The following RINL variants were observed in gnomAD, a reference collection of about 807,000 sequenced individuals.
RINL encodes Ras and Rab interactor like.
RINL carries 39 observed loss-of-function variants against 58.1 expected under a neutral mutation model. The ratio of observed to expected loss-of-function variants is 0.67; its 90% CI spans 0.52 to 0.88. The LOEUF is 0.88. Among genes scored for constraint, RINL ranks in the 40% least tolerant of loss-of-function variants. RINL has a pLI of 0.00. For synonymous variants in RINL, 286 were observed against 323.1 expected (o/e 0.89, Z 1.23); for missense variants, 711 against 749.2 (o/e 0.95, Z 0.60).
intron 1 of RINL, among the ~76,000 whole-genome samples, 187 bp from the exon 2 acceptor site, chr19:38,876,968 C>G (rs1972942866): frequency 6.6e-6 from 1 of 152,208 alleles, no homozygotes; most frequent in South Asian, 2.1e-4. Flanking sequence ...GACTGCAGTG[C>G]AGTGGCACGA....
Position 38,870,591 on chromosome 19 carries a change from G to T in RINL, c.1003C>A (p.Pro335Thr), listed in dbSNP as rs752382508. The T allele has an allele frequency of 3.8e-6, 6 of 1,584,986 alleles. No homozygotes were observed. Among genetic ancestry groups the T allele is most frequent in the Non-Finnish European group, 5.1e-6 (6 of 1,165,656 alleles). ...AVFGSRGPGL[P>T]KKDEDPGPAL... The stretch of plus-strand genomic sequence containing the variant: ...TTACCTGGATCCTCGTCCTTCTTGG[G>T]GAGCCCAGGACCCCTGCTTCCAAAG... Residue 335 changes from proline to threonine, a missense_variant, in exon 8 of 12, where the codon CCC (proline) becomes ACC (threonine). Physicochemically the swap from Pro to Thr is conservative, Grantham distance 38. Coordinates refer to ENST00000591812, the MANE Select transcript of RINL (RefSeq NM_001195833.2). This position sits in a 1 kb window ranked among gnomAD's most constrained non-coding sequence, Gnocchi z 5.8.
intron 4 of RINL, 94 bp from the exon 5 acceptor site, chr19:38,871,964 C>G: frequency 1.1e-6 from 1 of 938,550 alleles, no homozygotes; most frequent in Non-Finnish European, 1.7e-6. Context: ...CCTTCAGAAT[C>G]CCCCCAGGGA....
Position 38,871,694 on chromosome 19 carries a change from G to A in RINL, c.404C>T (p.Thr135Ile), listed in dbSNP as rs1244027269. 2 of 1,614,160 alleles carry A rather than the reference G, an allele frequency of 1.2e-6. No homozygotes were observed. The highest frequency in any genetic ancestry group is 1.7e-6 in the Non-Finnish European group (2 of 1,180,022). The stretch of plus-strand genomic sequence containing the variant: ...TAGAGTGGGAGGGGGCAAGAGCAGG[G>A]TTCTGGGCAGAACATCCCTGAGAAT... ...LSASRDVLPR[T>I]LLLPPPTLGP... Residue 135 changes from threonine to isoleucine, a missense_variant, in exon 6 of 12, where the codon ACC becomes ATC. Physicochemically the swap from Thr to Ile is moderately conservative, Grantham distance 89. Coordinates refer to ENST00000591812, the MANE Select transcript of RINL (RefSeq NM_001195833.2).
At position 38,869,954 on chromosome 19, in the gene RINL, C is replaced by T. The variant is rs1310907005; in HGVS notation, c.1331G>A (p.Gly444Asp). The change falls in exon 9 of 12, where the codon GGC (glycine) becomes GAC (aspartate). Residue 444 changes from glycine to aspartate, a missense_variant. Coordinates refer to ENST00000591812, the MANE Select transcript of RINL (RefSeq NM_001195833.2). This position sits in a 1 kb window ranked among gnomAD's most constrained non-coding sequence, Gnocchi z 5.7. ...CRDVYAGLAR[G>D]ENQDPLGADA... is the part of the protein sequence containing the mutation. The stretch of plus-strand genomic sequence containing the variant: ...GACCCCTCCCTTACCTTGGTTCTCG[C>T]CTCGAGCCAGGCCCGCATAGACATC... 2 of 1,598,000 alleles carry T rather than the reference C, an allele frequency of 1.3e-6. No homozygotes were observed. The highest frequency in any genetic ancestry group is 1.1e-5 in the South Asian group (1 of 88,738).
At chr19:38,871,267 A>G (rs1383178307) in intron 6 of RINL, 40 bp from the exon 7 acceptor site, 2 of 1,612,234 alleles carry the variant, frequency 1.2e-6, no homozygotes, top group Non-Finnish European at 1.7e-6. Flanking sequence ...TAGGTATCCA[A>G]GGGACCAACC....
At chr19:38,877,728 A>C (rs959195389) in intron 1 of RINL, among the ~76,000 whole-genome samples, 1 of 152,082 alleles carries the variant, frequency 6.6e-6, no homozygotes, top group Non-Finnish European at 1.5e-5. Context: ...TTAGGGTGGC[A>C]CTTATCCCAG....
Position 38,873,898 on chromosome 19 carries a change from T to C in RINL, c.301A>G (p.Lys101Glu). 1 of 1,533,098 alleles carries C rather than the reference T, an allele frequency of 6.5e-7. No individual in the cohort carries two copies. The highest frequency in any genetic ancestry group is 8.7e-7 in the Non-Finnish European group (1 of 1,144,190). 95.0% of individuals were successfully genotyped at this position (1,533,098 alleles called of 1,614,324 possible). A position where few individuals can be genotyped will look rare whatever the true frequency, so the allele number is the denominator to read the frequency against. Reference protein sequence around the residue: ...PGEVNTYQIQKIPRGVSLESS... With the variant: ...PGEVNTYQIQEIPRGVSLESS... ...GGAGGTGCCTTACCTCTGGGAATCT[T>C]CTGGATCTGGTAGGTATTGACTTCT... is the stretch of plus-strand genomic sequence containing the variant. Residue 101 changes from lysine to glutamate, a missense_variant, in exon 4 of 12, where the codon AAG (lysine) becomes GAG (glutamate). Physicochemically the swap from Lys to Glu is moderately conservative, Grantham distance 56 (BLOSUM62 1). Transcript: ENST00000591812.
At chr19:38,877,892 A>G (rs2144657271) in intron 1 of RINL, among the ~76,000 whole-genome samples, 1 of 152,248 alleles carries the variant, frequency 6.6e-6, no homozygotes, top group Middle Eastern at 3.4e-3. Flanking sequence ...GATGAACAGG[A>G]CAGGCTCCTC....
chr19:38,871,940 C>G, intron 4 of RINL, 70 bp from the exon 5 acceptor site: 1 of 1,177,146 alleles, frequency 8.5e-7, no homozygotes, highest in Non-Finnish European at 1.3e-6. Context: ...CTGGGATGCT[C>G]TTGCTCCTCC....
intron 1 of RINL, among the ~76,000 whole-genome samples, chr19:38,877,161 C>T (rs57063027): frequency 0.04 from 6,115 of 152,210 alleles, 174 homozygotes; most frequent in East Asian, 0.12. Flanking sequence ...GTGATCCCCC[C>T]GCCTCGGCCT....
chr19:38,874,737 C>T (rs956984270), intron 3 of RINL, among the ~76,000 whole-genome samples: 6 of 152,174 alleles, frequency 3.9e-5, no homozygotes, highest in African/African-American at 7.2e-5. Context: ...TCCTTGTTCA[C>T]GGCATTAATA....
At chr19:38,871,041 C>T in intron 7 of RINL, 37 bp downstream of exon 7, 1 of 1,578,964 alleles carries the variant, frequency 6.3e-7, no homozygotes, top group South Asian at 1.2e-5. Context: ...GCAGCAGCTC[C>T]CTCCCCTTCA....
At position 38,870,966 on chromosome 19, in the gene RINL, C is replaced by T; in HGVS notation, c.628G>A (p.Val210Ile). ...PAPRNPAPHG[V>I]SWVKGPLSPE... ...CTGAGCGGGCCTTTCACCCAGGAGA[C>T]CCCGTGAGGCGCAGGGTTCCTGGGG... The change falls in exon 8 of 12, where the codon GTC (valine) becomes ATC (isoleucine). Residue 210 changes from valine to isoleucine, a missense_variant. Val to Ile is a conservative substitution (Grantham distance 29). Transcript: ENST00000591812. The surrounding 1 kb of genome is among the most constrained non-coding windows in gnomAD (Gnocchi z 5.8). The T allele has an allele frequency of 6.2e-7, 1 of 1,603,732 alleles. No homozygotes were observed. The highest frequency in any genetic ancestry group is 8.5e-7 in the Non-Finnish European group (1 of 1,178,014).
rs1972707922 is a variant in RINL, at chr19:38,867,869, TGAA to T, written c.*1232_*1234del. ...GTAACTTTTTAATATGGATACATGT[TGAA>T]GTGATAATATTTGGGATACATTGTG... On this transcript the variant is annotated 3_prime_UTR_variant, in exon 12 of 12. Transcript: ENST00000591812. The T allele has an allele frequency of 6.6e-6, 1 of 152,108 alleles. No homozygotes were observed. Among genetic ancestry groups the T allele is most frequent in the African/African-American group, 2.4e-5 (1 of 41,440 alleles). The allele number at this position is 152,108 out of a possible 1,614,324, so 9.4% of individuals were successfully genotyped here.
rs763988079 is a variant in RINL at position 38,870,951 on chromosome 19, C to A, written c.643G>T (p.Gly215Cys). The change falls in exon 8 of 12, where the codon GGC becomes TGC. Residue 215 changes from glycine (G) to cysteine (C), a missense_variant. Coordinates refer to ENST00000591812, the MANE Select transcript of RINL (RefSeq NM_001195833.2). This position sits in a 1 kb window ranked among gnomAD's most constrained non-coding sequence, Gnocchi z 5.8. Reference protein sequence around the residue: ...PAPHGVSWVKGPLSPEVDHPG... With the variant: ...PAPHGVSWVKCPLSPEVDHPG... Reference sequence around the variant, plus strand: ...TGGTCCACTTCCGGGCTGAGCGGGCCTTTCACCCAGGAGACCCCGTGAGGC... The same window carrying A: ...TGGTCCACTTCCGGGCTGAGCGGGCATTTCACCCAGGAGACCCCGTGAGGC... The A allele has an allele frequency of 1.9e-6, 3 of 1,605,548 alleles. No individual in the cohort carries two copies. The highest frequency in any genetic ancestry group is 2.5e-6 in the Non-Finnish European group (3 of 1,179,370).
At chr19:38,873,402 G>A (rs1201181010) in intron 4 of RINL, 1 of 161,032 alleles carries the variant, frequency 6.2e-6, no homozygotes, top group Non-Finnish European at 1.4e-5. Context: ...AGGATTTGGG[G>A]CAGGGGTGTA....
chr19:38,870,875 T>C lies in RINL; in HGVS notation c.719A>G (p.Glu240Gly), dbSNP rs751271925. 8.1e-6 allele frequency: 13 copies of C among 1,605,008 alleles called. No individual in the cohort carries two copies. Among genetic ancestry groups the C allele is most frequent in the Middle Eastern group, 3.3e-4 (2 of 6,062 alleles). Residue 240 changes from glutamate (E) to glycine (G), a missense_variant, in exon 8 of 12, where the codon GAA becomes GGA. By Grantham distance (98) the Glu-to-Gly change is moderately conservative. Transcript: ENST00000591812. This position sits in a 1 kb window ranked among gnomAD's most constrained non-coding sequence, Gnocchi z 5.8. ...GTCCTCCCTTCCTTCCTCCTTTCCT[T>C]CAAGGTCTTCCTCCTCCTCTTCCAG... Reference protein sequence around the residue: ...SLLEEEEEDLEGKEEGREDDP... With the variant: ...SLLEEEEEDLGGKEEGREDDP...
intron 6 of RINL, 187 bp downstream of exon 6, chr19:38,871,460 C>A: frequency 4.4e-6 from 3 of 686,498 alleles, no homozygotes; most frequent in Non-Finnish European, 2.5e-6. Flanking sequence ...TCTGTTAGGA[C>A]CTAGGAATAC....
Position 38,869,778 on chromosome 19 carries a change from C to A in RINL, c.1343-74G>T. ...GCGTAGACACCTTCCATCCGATCCCCAGGACCACGAGGGCTGGCTGCCCCT... is the reference window on the plus strand; with the variant it reads ...GCGTAGACACCTTCCATCCGATCCCAAGGACCACGAGGGCTGGCTGCCCCT... On this transcript the variant is annotated intron_variant, in intron 9 of 11. Transcript: ENST00000591812. The surrounding 1 kb of genome is among the most constrained non-coding windows in gnomAD (Gnocchi z 5.7). 1.9e-6 allele frequency: 3 copies of A among 1,595,278 alleles called. No individual in the cohort carries two copies. Among genetic ancestry groups the A allele is most frequent in the South Asian group, 1.1e-5 (1 of 90,048 alleles).
Sources: gnomAD v4.1 joint callset for allele counts (sites outside exome capture counted in the v4.1 genomes callset) on GRCh38, gnomAD v4.1.1 for gene constraint, Gnocchi (gnomAD v3.1) non-coding constraint, MANE v1.5 for transcripts, NCBI Gene and HGNC (gene_info 2026-07-23, HGNC 2026-07-21) for gene names.